Variants in PDGFA observed in about 807,000 individuals in gnomAD.
PDGFA encodes the protein platelet-derived growth factor subunit A.
A neutral mutation model predicts 25.6 loss-of-function variants in PDGFA; 9 were observed. The ratio of observed to expected loss-of-function variants is 0.35; its 90% confidence interval spans 0.21 to 0.61. The LOEUF is 0.61. Ranked by LOEUF, PDGFA falls within the 20% of genes least tolerant of loss-of-function variation. PDGFA has a pLI of 0.75. For synonymous variants in PDGFA, 133 were observed against 111.8 expected, an observed-to-expected ratio of 1.19 and a Z score of -1.20; for missense variants, 242 against 272.8, an observed-to-expected ratio of 0.89 and a Z score of 0.79.
In PDGFA at chr7:510,730, AGGG is replaced by A. The variant is rs1782777006; in HGVS notation, c.453+76_453+78del. 6 of 285,000 alleles carry A rather than the reference AGGG, an allele frequency of 2.1e-5. No homozygotes were observed. In the African/African-American group the frequency reaches 3.0e-4, roughly 14 times the overall value. 17.7% of individuals were successfully genotyped at this position (285,000 alleles called of 1,614,324 possible). The stretch of plus-strand genomic sequence containing the variant: ...TGGGGAGGGGAGGGGAGGGGAGAGG[AGGG>A]GAGGGGAGAGGAGAGGAGGGGAGGG... On this transcript the variant is annotated intron_variant, in intron 4 of 5. Transcript: ENST00000402802.
chr7:512,405 T>C lies in PDGFA; in HGVS notation c.211A>G (p.Thr71Ala), dbSNP rs761143450. 6 of 1,613,654 alleles carry C rather than the reference T, an allele frequency of 3.7e-6. No homozygotes were observed. In the East Asian group the frequency reaches 1.1e-4, roughly 30 times the overall value. ...GGCCGCTTCTCGGGCACATGCTTAG[T>C]GGCATGGACCCCGTGAGCTCTCAGG... Residue 71 changes from threonine to alanine, a missense_variant, in exon 3 of 6, where the codon ACT becomes GCT. Around this residue, in one of 5 missense-constraint regions of PDGFA, gnomAD observed 113 missense variants for 98.3 expected, o/e 1.15. Coordinates refer to ENST00000402802, the Ensembl canonical transcript of PDGFA.
chr7:502,912 CCA>C (rs1782413045), intron 4 of PDGFA, among the ~76,000 whole-genome samples: 1 of 152,080 alleles, frequency 6.6e-6, no homozygotes, highest in South Asian at 2.1e-4. Flanking sequence ...ACTCCACCCC[CCA>C]CCAGTCATGC....
At position 501,157 on chromosome 7, in the gene PDGFA, G is replaced by C. The variant is rs533180683; in HGVS notation, c.539C>G (p.Ala180Gly). 4 of 1,614,208 alleles carry C rather than the reference G, an allele frequency of 2.5e-6. No homozygotes were observed. The African/African-American group carries it at 5.3e-5, about 22-fold the overall frequency. The change falls in exon 5 of 6, where the codon GCG becomes GGG. Residue 180 changes from alanine (A) to glycine (G), a missense_variant. Physicochemically the swap from Ala to Gly is moderately conservative, Grantham distance 60. This residue lies in a region of PDGFA where 27 missense variants were observed against 26.0 expected (regional missense o/e 1.04). Coordinates refer to ENST00000402802, the Ensembl canonical transcript of PDGFA. ...ATAATCCGGATTCAGGCTTGTGGTC[G>C]CGCAGGCGCACTCCAAATGCTCCTC...
At chr7:506,229 A>T (rs1327319013) in intron 4 of PDGFA, among the ~76,000 whole-genome samples, 2 of 151,244 alleles carry the variant, frequency 1.3e-5, no homozygotes, top group African/African-American at 4.9e-5. Context: ...CATACCTGTG[A>T]TCCCAGGAAT....
Position 517,003 on chromosome 7 carries a change from G to A in PDGFA, c.160+391C>T, listed in dbSNP as rs1175058146. On this transcript the variant is annotated intron_variant, in intron 2 of 5. Coordinates refer to ENST00000402802, the Ensembl canonical transcript of PDGFA. The surrounding 1 kb of genome is among the most constrained non-coding windows in gnomAD (Gnocchi z 7.4). ...ACCGGGAGCCGCGCCTGCCCTTGGG[G>A]CCTCGCTCCGCGGGCTGCCCGCCCG... 1.3e-5 allele frequency among the ~76,000 whole-genome samples: 2 copies of A among 151,324 alleles called. No individual in the cohort carries two copies. The highest frequency in any genetic ancestry group is 1.9e-4 in the East Asian group (1 of 5,140).
intron 4 of PDGFA, among the ~76,000 whole-genome samples, chr7:505,211 G>A (rs570441963): frequency 1.3e-5 from 2 of 152,218 alleles, no homozygotes; most frequent in Non-Finnish European, 2.9e-5. Flanking sequence ...GGACCCCCAC[G>A]GGGGGTACCC....
At chr7:503,116 C>A (rs551044902) in intron 4 of PDGFA, among the ~76,000 whole-genome samples, 2 of 152,266 alleles carry the variant, frequency 1.3e-5, no homozygotes, top group East Asian at 3.9e-4. Context: ...GCAAGACTGG[C>A]ACCTCCATTT....
In PDGFA at chr7:500,645, A is replaced by G. The variant is rs143909450; in HGVS notation, c.580+471T>C. On this transcript the variant is annotated intron_variant, in intron 5 of 5. Coordinates refer to ENST00000402802, the Ensembl canonical transcript of PDGFA. The surrounding 1 kb of genome is among the most constrained non-coding windows in gnomAD (Gnocchi z 5.0). The stretch of plus-strand genomic sequence containing the variant: ...CACCGAGAAACTTCTGAGTCCCCTC[A>G]TGCTCCCAGGGCCCAGCCATAGCAG... 1,574 of 1,483,112 alleles carry G rather than the reference A, an allele frequency of 1.1e-3. 17 individuals are homozygous for G. The African/African-American group carries it at 0.02, about 19-fold the overall frequency. The allele number at this position is 1,483,112 out of a possible 1,614,324, so 91.9% of individuals were successfully genotyped here.
chr7:507,088 G>A (rs1003490121), intron 4 of PDGFA, among the ~76,000 whole-genome samples: 8 of 152,204 alleles, frequency 5.3e-5, no homozygotes, highest in South Asian at 4.1e-4. Context: ...CATCCGCAGC[G>A]GCAGGACCGG....
intron 4 of PDGFA, 148 bp downstream of exon 4, chr7:510,661 A>G (rs549034839): frequency 4.9e-4 from 119 of 240,550 alleles, no homozygotes; most frequent in Admixed American, 2.2e-3. Flanking sequence ...TGGTGGATGC[A>G]GGAGGGACCC....
chr7:502,720 C>G (rs1005743418), intron 4 of PDGFA, among the ~76,000 whole-genome samples: 19 of 151,322 alleles, frequency 1.3e-4, no homozygotes, highest in African/African-American at 4.6e-4. Context: ...ATGGCCCAGT[C>G]CAGGCCAGAG....
chr7:506,038 T>C (rs999822723), intron 4 of PDGFA, among the ~76,000 whole-genome samples: 7 of 151,630 alleles, frequency 4.6e-5, no homozygotes, highest in Admixed American at 4.6e-4. Flanking sequence ...TAGCCAGGCG[T>C]GGTGGTGAGT....
At position 517,307 on chromosome 7, in the gene PDGFA, C is replaced by A. The variant is rs1226515193; in HGVS notation, c.160+87G>T. 5 of 445,894 alleles carry A rather than the reference C, an allele frequency of 1.1e-5. No individual in the cohort carries two copies. The highest frequency in any genetic ancestry group is 1.7e-5 in the Non-Finnish European group (5 of 286,706). 27.6% of individuals were successfully genotyped at this position (445,894 alleles called of 1,614,324 possible). On this transcript the variant is annotated intron_variant, in intron 2 of 5. Coordinates refer to ENST00000402802, the Ensembl canonical transcript of PDGFA. The surrounding 1 kb of genome is among the most constrained non-coding windows in gnomAD (Gnocchi z 7.4). ...ATTCTGACCTTTCGGTGCGCTCCTGCGCGGCGCCCCGCCCGGCCCCAGCTC... is the reference window on the plus strand; with the variant it reads ...ATTCTGACCTTTCGGTGCGCTCCTGAGCGGCGCCCCGCCCGGCCCCAGCTC...
At chr7:505,901 C>T (rs762547735) in intron 4 of PDGFA, among the ~76,000 whole-genome samples, 13 of 152,304 alleles carry the variant, frequency 8.5e-5, no homozygotes, top group South Asian at 2.1e-4. Context: ...CAGCTGGGTG[C>T]GGTGGCTCAC....
At chr7:514,242 G>T (rs1782987518) in intron 2 of PDGFA, among the ~76,000 whole-genome samples, 1 of 152,190 alleles carries the variant, frequency 6.6e-6, no homozygotes, top group Non-Finnish European at 1.5e-5. Flanking sequence ...GACCAGAAGT[G>T]GCTCGCAGGA....
chr7:504,726 G>A (rs932353233), intron 4 of PDGFA, among the ~76,000 whole-genome samples: 3 of 152,218 alleles, frequency 2.0e-5, no homozygotes, highest in East Asian at 3.9e-4. Flanking sequence ...CTGACCCTCC[G>A]GATGGCACAG....
chr7:511,185 C>T (rs1371052127), intron 3 of PDGFA, among the ~76,000 whole-genome samples, 189 bp from the exon 4 acceptor site: 1 of 150,280 alleles, frequency 6.7e-6, no homozygotes, highest in Non-Finnish European at 1.5e-5. Flanking sequence ...CACCACACAT[C>T]CAGAGGAGCC....
At chr7:502,733 G>A (rs1187978316) in intron 4 of PDGFA, among the ~76,000 whole-genome samples, 1 of 150,834 alleles carries the variant, frequency 6.6e-6, no homozygotes, top group Non-Finnish European at 1.5e-5. Context: ...GGCCAGAGAG[G>A]GGAGCTTCAG....
At chr7:501,747 C>T (rs1562484530) in intron 4 of PDGFA, among the ~76,000 whole-genome samples, 1 of 152,158 alleles carries the variant, frequency 6.6e-6, no homozygotes, top group Non-Finnish European at 1.5e-5. Context: ...TTAGCAGACT[C>T]ATCCTATTTT....
Sources: allele counts gnomAD v4.1 joint callset (sites outside exome capture counted in the v4.1 genomes callset), GRCh38; gene constraint gnomAD v4.1.1; regional missense constraint gnomAD v4.1.1; non-coding constraint Gnocchi (gnomAD v3.1); transcripts MANE v1.5; gene names NCBI Gene and HGNC (gene_info 2026-07-23, HGNC 2026-07-21).